The following KNL1 variants were observed in gnomAD, a reference collection of about 807,000 sequenced individuals.
KNL1 encodes the protein kinetochore scaffold 1.
KNL1 carries 66 observed loss-of-function variants against 201.3 expected under a neutral mutation model. The observed-to-expected ratio is 0.33, with a 90% CI of 0.27 to 0.40. KNL1 has a LOEUF of 0.40. Among genes scored for constraint, KNL1 ranks in the 10% least tolerant of loss-of-function variants. The probability of loss-of-function intolerance (pLI) is 1.00; values close to 1 mark genes in which losing one functional copy is unlikely to be tolerated. For missense variants in KNL1, 2,815 were observed against 2,690.5 expected, an observed-to-expected ratio of 1.05 and a Z score of -1.02; for synonymous variants, 895 against 899.2, an observed-to-expected ratio of 1.00 and a Z score of 0.08.
At position 40,647,496 on chromosome 15, in the gene KNL1, ATAAAT is replaced by A. The variant is rs993199011; in HGVS notation, c.6094+423_6094+427del. Among the ~76,000 whole-genome samples, 338 of 152,162 alleles carry A rather than the reference ATAAAT, an allele frequency of 2.2e-3. 3 individuals are homozygous for A. The highest frequency in any genetic ancestry group is 8.0e-3 in the African/African-American group (332 of 41,546). ...CTCAAAAAAAATAATAATAAAATAAATAAATAAATAAATTAGAGCAAATTAAAGTT... is the reference window on the plus strand; with the variant it reads ...CTCAAAAAAAATAATAATAAAATAAAAAATAAATTAGAGCAAATTAAAGTT... On this transcript the variant is annotated intron_variant, in intron 17 of 25. Coordinates refer to ENST00000399668, the MANE Select transcript of KNL1 (RefSeq NM_144508.5).
intron 13 of KNL1, among the ~76,000 whole-genome samples, chr15:40,635,279 C>G (rs1182825653): frequency 1.3e-5 from 2 of 151,838 alleles, no homozygotes; most frequent in Non-Finnish European, 2.9e-5. Flanking sequence ...GTCTCGATCT[C>G]CTGACCTCGT....
chr15:40,631,400 G>T (rs1280323822), intron 13 of KNL1, among the ~76,000 whole-genome samples: 1 of 152,068 alleles, frequency 6.6e-6, no homozygotes, highest in Admixed American at 6.5e-5. Flanking sequence ...GGGACATACA[G>T]CAAAAGCTAT....
At chr15:40,637,367 C>T (rs1170402065) in intron 13 of KNL1, among the ~76,000 whole-genome samples, 4 of 118,094 alleles carry the variant, frequency 3.4e-5, no homozygotes, top group East Asian at 2.2e-4. Context: ...AGATTAACAG[C>T]GTTTTTTTTT....
At chr15:40,656,564 A>C (rs968818475) in intron 22 of KNL1, among the ~76,000 whole-genome samples, 4 of 152,130 alleles carry the variant, frequency 2.6e-5, no homozygotes, top group African/African-American at 9.6e-5. Flanking sequence ...TTCACCATAC[A>C]TGTTATAATC....
In KNL1 at chr15:40,657,586, T is replaced by C. The variant is rs907919037; in HGVS notation, c.6713+113T>C. The C allele has an allele frequency of 4.9e-5, 31 of 627,500 alleles. No individual in the cohort carries two copies. In the African/African-American group the frequency reaches 5.5e-4, roughly 11 times the overall value. 38.9% of individuals were successfully genotyped at this position (627,500 alleles called of 1,614,324 possible). A position where few individuals can be genotyped will look rare whatever the true frequency, so the allele number is the denominator to read the frequency against. ...TAAGGTGTAAGCGGGTGTTATTCTT[T>C]CTGAGGGCTGTTAGAATCTGTCCAT... On this transcript the variant is annotated intron_variant, in intron 24 of 25. Transcript: ENST00000399668.
rs1893952527 is a variant in KNL1, at chr15:40,662,984, A to G, written c.*796A>G. The G allele has an allele frequency of 1.1e-5, 2 of 182,648 alleles. No homozygotes were observed. Among genetic ancestry groups the G allele is most frequent in the Admixed American group, 6.3e-5 (1 of 15,984 alleles). 11.3% of individuals were successfully genotyped at this position (182,648 alleles called of 1,614,324 possible). ...CAAAAAAACAAAAAGAGAGAAAGCAATAGCACTCAGCTATTGAAATGGTTG... is the reference window on the plus strand; with the variant it reads ...CAAAAAAACAAAAAGAGAGAAAGCAGTAGCACTCAGCTATTGAAATGGTTG... On this transcript the variant is annotated 3_prime_UTR_variant, in exon 26 of 26. Transcript: ENST00000399668.
chr15:40,633,310 CAAAAA>C (rs35570214), intron 13 of KNL1, among the ~76,000 whole-genome samples: 6 of 120,254 alleles, frequency 5.0e-5, no homozygotes, highest in African/African-American at 1.3e-4. Context: ...AACTCTGTCT[CAAAAA>C]AAAAAAAAAA....
At chr15:40,657,221 T>C (rs930684715) in intron 23 of KNL1, 70 bp downstream of exon 23, 9 of 1,118,202 alleles carry the variant, frequency 8.0e-6, no homozygotes, top group Non-Finnish European at 1.2e-5. Flanking sequence ...ACTGAAACTT[T>C]ACATAAATAA....
intron 12 of KNL1, 110 bp from the exon 13 acceptor site, chr15:40,629,151 TATCTGGATAATA>T: frequency 1.8e-6 from 1 of 545,378 alleles, no homozygotes; most frequent in Non-Finnish European, 3.2e-6. Context: ...AGCCTGCAGA[TATCTGGATAATA>T]TTTCCATAAA....
At position 40,624,968 on chromosome 15, in the gene KNL1, T is replaced by G; in HGVS notation, c.4704T>G (p.Thr1568=). The part of the protein sequence containing the change: ...KPNLNNLNGK[T]GEFLAFQTVH... ...ATCTGAATAATTTGAATGGAAAAACTGGAGAGTTTTTAGCCTTTCAAACTG... is the reference window on the plus strand; with the variant it reads ...ATCTGAATAATTTGAATGGAAAAACGGGAGAGTTTTTAGCCTTTCAAACTG... The change falls in exon 10 of 26, where the codon ACT becomes ACG. Residue 1568 remains threonine, a synonymous_variant. Coordinates refer to ENST00000399668, the MANE Select transcript of KNL1 (RefSeq NM_144508.5). 6.2e-7 allele frequency: 1 copy of G among 1,613,962 alleles called. No homozygotes were observed. The highest frequency in any genetic ancestry group is 8.5e-7 in the Non-Finnish European group (1 of 1,179,968).
In KNL1 at chr15:40,624,161, T is replaced by C; in HGVS notation, c.3897T>C (p.Ser1299=). The C allele has an allele frequency of 6.2e-7, 1 of 1,613,968 alleles. No individual in the cohort carries two copies. Among genetic ancestry groups the C allele is most frequent in the Non-Finnish European group, 8.5e-7 (1 of 1,179,928 alleles). Residue 1299 remains serine (S), a synonymous_variant, in exon 10 of 26, where the codon AGT becomes AGC. Coordinates refer to ENST00000399668, the MANE Select transcript of KNL1 (RefSeq NM_144508.5). ...SSHATAVCGS[S]DNYSCLPNVI... is the part of the protein sequence containing the mutation. ...ATGCAACTGCTGTTTGTGGATCCAG[T>C]GATAATTATTCCTGTTTACCAAATG... is the stretch of plus-strand genomic sequence containing the variant.
chr15:40,626,614 C>G (rs1892761264), intron 10 of KNL1, among the ~76,000 whole-genome samples: 1 of 152,166 alleles, frequency 6.6e-6, no homozygotes, highest in Non-Finnish European at 1.5e-5. Context: ...GACCCTCGCT[C>G]TGTTGCCCAG....
At chr15:40,599,586 G>A (rs933286776) in intron 1 of KNL1, among the ~76,000 whole-genome samples, 1 of 151,656 alleles carries the variant, frequency 6.6e-6, no homozygotes, top group Non-Finnish European at 1.5e-5. Context: ...GTTTTGCCGT[G>A]TTGTCCAGGC....
intron 7 of KNL1, among the ~76,000 whole-genome samples, chr15:40,612,752 C>T (rs1331874047): frequency 2.0e-5 from 3 of 152,000 alleles, no homozygotes; most frequent in Non-Finnish European, 4.4e-5. Context: ...CTCTTGACCT[C>T]GTGATCCGCC....
intron 13 of KNL1, among the ~76,000 whole-genome samples, chr15:40,638,136 C>T (rs562594963): frequency 6.6e-6 from 1 of 151,226 alleles, no homozygotes. Flanking sequence ...TACAGTGAGC[C>T]AAGATCACGC....
chr15:40,657,248 G>T, intron 23 of KNL1, 97 bp downstream of exon 23: 1 of 1,011,510 alleles, frequency 9.9e-7, no homozygotes, highest in Non-Finnish European at 1.5e-6. Context: ...ATCCTGAAAT[G>T]ATAAATGTAT....
intron 2 of KNL1, among the ~76,000 whole-genome samples, chr15:40,603,279 A>G (rs1891868026): frequency 6.6e-6 from 1 of 152,044 alleles, no homozygotes; most frequent in African/African-American, 2.4e-5. Flanking sequence ...ATGTTCCCCA[A>G]CCCTGTGTCC....
At chr15:40,594,631 C>T (rs1409934616) in intron 1 of KNL1, among the ~76,000 whole-genome samples, 1 of 152,186 alleles carries the variant, frequency 6.6e-6, no homozygotes, top group Admixed American at 6.5e-5. Context: ...TGCACCTCGG[C>T]CCCTCCGGCC....
chr15:40,625,975 A>G (rs1026949234), intron 10 of KNL1: 10 of 219,420 alleles, frequency 4.6e-5, no homozygotes, highest in South Asian at 4.5e-4. Flanking sequence ...GGCTTTATAT[A>G]AGAATCTCTA....
Sources: allele counts gnomAD v4.1 joint callset (sites outside exome capture counted in the v4.1 genomes callset), GRCh38; gene constraint gnomAD v4.1.1; transcripts MANE v1.5; gene names NCBI Gene and HGNC (gene_info 2026-07-23, HGNC 2026-07-21).